CTNNA3: variants seen among roughly 807,000 people sequenced by gnomAD.
CTNNA3 encodes catenin alpha-3.
In CTNNA3, 76 loss-of-function variants were observed where a neutral mutation model predicts 95.7. The ratio of observed to expected loss-of-function variants is 0.79; its 90% CI spans 0.66 to 0.96. CTNNA3 has a LOEUF of 0.96. Ranked by LOEUF, CTNNA3 falls within the 40% of genes least tolerant of loss-of-function variation. CTNNA3 has a pLI of 0.00. For synonymous variants in CTNNA3, 431 were observed against 374.4 expected (o/e 1.15, Z -1.74); for missense variants, 1,191 against 1,089.8 (o/e 1.09, Z -1.31).
Position 65,913,986 on chromosome 10 carries a change from A to G in CTNNA3, c.*6344T>C, listed in dbSNP as rs1282577342. On this transcript the variant is annotated 3_prime_UTR_variant, in exon 18 of 18. Coordinates refer to ENST00000433211, the MANE Select transcript of CTNNA3 (RefSeq NM_013266.4). ...GATACAACTATTCAAAGGGGGCTTT[A>G]AATGTATAAGGAAGTGTCACAGACC... is the stretch of plus-strand genomic sequence containing the variant. 6.6e-6 allele frequency: 1 copy of G among 152,204 alleles called. No individual in the cohort carries two copies. Among genetic ancestry groups the G allele is most frequent in the Non-Finnish European group, 1.5e-5 (1 of 68,020 alleles). 9.4% of individuals were successfully genotyped at this position (152,204 alleles called of 1,614,324 possible).
At chr10:67,536,078 G>A (rs1417207294) in intron 4 of CTNNA3, among the ~76,000 whole-genome samples, 1 of 151,986 alleles carries the variant, frequency 6.6e-6, no homozygotes, top group Non-Finnish European at 1.5e-5. Context: ...TCAAAATAAA[G>A]ACTGAAAATT....
At chr10:67,719,474 T>C (rs953887985) in intron 1 of CTNNA3, among the ~76,000 whole-genome samples, 1 of 152,244 alleles carries the variant, frequency 6.6e-6, no homozygotes, top group African/African-American at 2.4e-5. Flanking sequence ...GCTTTGAATG[T>C]GTCCCAGAGA....
intron 1 of CTNNA3, among the ~76,000 whole-genome samples, chr10:67,726,426 T>TATATCATATATAATATTA (rs1554879490): frequency 6.8e-5 from 2 of 29,516 alleles, no homozygotes; most frequent in East Asian, 1.4e-3. Context: ...ATATTATATA[T>TATATCATATATAATATTA]TATATCATAT....
intron 17 of CTNNA3, among the ~76,000 whole-genome samples, chr10:65,940,826 A>G (rs566746334): frequency 2.0e-5 from 3 of 152,316 alleles, no homozygotes; most frequent in Admixed American, 6.5e-5. Flanking sequence ...TCAGATGGTG[A>G]TATGCTTTCT....
At chr10:66,819,793 A>C (rs1024056448) in intron 7 of CTNNA3, among the ~76,000 whole-genome samples, 5 of 152,202 alleles carry the variant, frequency 3.3e-5, no homozygotes, top group African/African-American at 7.2e-5. Context: ...ATATCATTTC[A>C]CAACCACTAA....
chr10:67,444,117 C>T (rs1027995875), intron 5 of CTNNA3, among the ~76,000 whole-genome samples: 1 of 152,108 alleles, frequency 6.6e-6, no homozygotes, highest in Non-Finnish European at 1.5e-5. Context: ...GCACAAGGAT[C>T]ACTCTCAAGG....
intron 9 of CTNNA3, among the ~76,000 whole-genome samples, chr10:66,723,826 G>C (rs1224271889): frequency 2.6e-5 from 4 of 152,274 alleles, no homozygotes; most frequent in Middle Eastern, 3.4e-3. Flanking sequence ...CCAAAATCCA[G>C]GCAGTGTTAG....
intron 9 of CTNNA3, among the ~76,000 whole-genome samples, chr10:66,645,159 T>G (rs1845662003): frequency 6.6e-6 from 1 of 152,104 alleles, no homozygotes. Flanking sequence ...ATTCTTTAGC[T>G]TGTAATTTTA....
chr10:66,950,919 T>C (rs1589477010), intron 7 of CTNNA3, among the ~76,000 whole-genome samples: 1 of 152,214 alleles, frequency 6.6e-6, no homozygotes, highest in African/African-American at 2.4e-5. Context: ...GAATTTGAAT[T>C]CTGATCTGTC....
intron 3 of CTNNA3, among the ~76,000 whole-genome samples, chr10:67,584,608 C>T (rs1056655921): frequency 1.3e-5 from 2 of 152,202 alleles, no homozygotes; most frequent in African/African-American, 4.8e-5. Flanking sequence ...CAGACAGGGA[C>T]ATTTAAGTCT....
At chr10:66,268,767 A>T (rs938972551) in intron 13 of CTNNA3, among the ~76,000 whole-genome samples, 13 of 152,100 alleles carry the variant, frequency 8.5e-5, no homozygotes, top group Non-Finnish European at 1.8e-4. Context: ...GTCCAATGAG[A>T]TGTAGAGGAA....
chr10:67,634,018 C>A (rs1463265659), intron 2 of CTNNA3, among the ~76,000 whole-genome samples: 1 of 152,008 alleles, frequency 6.6e-6, no homozygotes, highest in African/African-American at 2.4e-5. Flanking sequence ...AACCCCAAGA[C>A]AAATAATCGT....
At chr10:67,318,632 T>C (rs1237394382) in intron 5 of CTNNA3, among the ~76,000 whole-genome samples, 1 of 152,212 alleles carries the variant, frequency 6.6e-6, no homozygotes, top group Non-Finnish European at 1.5e-5. Flanking sequence ...TTGCTCTTTC[T>C]CAAACATGAC....
At chr10:66,023,663 T>C (rs1331651657) in intron 15 of CTNNA3, among the ~76,000 whole-genome samples, 1 of 152,226 alleles carries the variant, frequency 6.6e-6, no homozygotes, top group Non-Finnish European at 1.5e-5. Context: ...TAAAGGGATT[T>C]GAGTTCTCCC....
intron 7 of CTNNA3, among the ~76,000 whole-genome samples, chr10:66,987,709 T>C (rs1850812035): frequency 6.6e-6 from 1 of 152,152 alleles, no homozygotes; most frequent in South Asian, 2.1e-4. Context: ...ACATAGAATA[T>C]AAACATAAGG....
chr10:67,192,996 G>A (rs1863187784), intron 6 of CTNNA3, among the ~76,000 whole-genome samples: 1 of 151,930 alleles, frequency 6.6e-6, no homozygotes, highest in African/African-American at 2.4e-5. Context: ...AGTGAAATAA[G>A]CCAAACACAG....
chr10:66,802,716 C>T (rs1009336628), intron 7 of CTNNA3, among the ~76,000 whole-genome samples: 3 of 148,944 alleles, frequency 2.0e-5, no homozygotes, highest in African/African-American at 7.4e-5. Context: ...AGCCCCAAAC[C>T]GAAAAAAAAA....
At position 65,966,758 on chromosome 10, in the gene CTNNA3, T is replaced by A. The variant is rs1384772349; in HGVS notation, c.2266-12A>T. On this transcript the variant is annotated splice_polypyrimidine_tract_variant and intron_variant, in intron 16 of 17. Coordinates refer to ENST00000433211, the MANE Select transcript of CTNNA3 (RefSeq NM_013266.4). ...GATGGATCTGGGCACTAAATATGAATCAAAGATAAAAATAGATACAGCAGA... is the reference window on the plus strand; with the variant it reads ...GATGGATCTGGGCACTAAATATGAAACAAAGATAAAAATAGATACAGCAGA... 1 of 1,591,136 alleles carries A rather than the reference T, an allele frequency of 6.3e-7. No individual in the cohort carries two copies. Among genetic ancestry groups the A allele is most frequent in the Non-Finnish European group, 8.6e-7 (1 of 1,162,928 alleles).
intron 11 of CTNNA3, among the ~76,000 whole-genome samples, chr10:66,464,250 A>G (rs12259864): frequency 1.3e-5 from 2 of 151,930 alleles, no homozygotes; most frequent in Non-Finnish European, 2.9e-5. Context: ...ATAAGTCTAA[A>G]TTTTTCAACT....
Sources: allele counts gnomAD v4.1 joint callset (sites outside exome capture counted in the v4.1 genomes callset), GRCh38; gene constraint gnomAD v4.1.1; transcripts MANE v1.5; gene names NCBI Gene and HGNC (gene_info 2026-07-23, HGNC 2026-07-21).